GALNT17: variants seen among roughly 807,000 people sequenced by gnomAD.
GALNT17 encodes the protein UDP-GalNAc:polypeptide N-acetylgalactosaminyltransferase-like 3.
GALNT17 carries 29 observed loss-of-function variants against 63.7 expected under a neutral mutation model. That is an observed-to-expected ratio of 0.46 (90% confidence interval 0.34 to 0.62). GALNT17 has a LOEUF of 0.62. Among genes scored for constraint, GALNT17 ranks in the 20% least tolerant of loss-of-function variants. GALNT17 has a pLI of 0.01. For missense variants in GALNT17, 603 were observed against 799.6 expected (o/e 0.75, Z 2.97); for synonymous variants, 305 against 318.3 (o/e 0.96, Z 0.45).
At chr7:71,508,586 G>A (rs116484053) in intron 5 of GALNT17, among the ~76,000 whole-genome samples, 3,821 of 152,176 alleles carry the variant, frequency 0.025, 59 homozygotes, top group African/African-American at 0.038. Context: ...GCAGACTCTC[G>A]GGGTGTTACT....
chr7:71,161,427 G>A (rs1788339792), intron 1 of GALNT17, among the ~76,000 whole-genome samples: 2 of 152,052 alleles, frequency 1.3e-5, no homozygotes, highest in African/African-American at 4.8e-5. Context: ...TTGTTGATTT[G>A]CATACATTTT....
Position 71,259,631 on chromosome 7 carries a change from GTTTTTTGT to G in GALNT17, c.239-75904_239-75897del, listed in dbSNP as rs1554345415. Among the ~76,000 whole-genome samples the G allele has an allele frequency of 3.9e-5, 5 of 129,856 alleles. No homozygotes were observed. The Middle Eastern group carries it at 0.011, about 289-fold the overall frequency. 85.2% of individuals were successfully genotyped at this position (129,856 alleles called of 152,430 possible). ...GACCAACAGATCTTGGTCCTGTTTT[GTTTTTTGT>G]TTTTTTGTTTTTTTTTTTTTGAGAC... On this transcript the variant is annotated intron_variant, in intron 1 of 10. Transcript: ENST00000333538.
chr7:71,681,540 G>C (rs1289189438), intron 9 of GALNT17, among the ~76,000 whole-genome samples: 16 of 152,158 alleles, frequency 1.1e-4, no homozygotes, highest in Admixed American at 1.0e-3. Flanking sequence ...GATACCCACA[G>C]CCTCTGGCCC....
At chr7:71,209,954 G>A (rs745921983) in intron 1 of GALNT17, among the ~76,000 whole-genome samples, 11 of 151,858 alleles carry the variant, frequency 7.2e-5, no homozygotes, top group African/African-American at 1.9e-4. Context: ...ACAGAGTTTC[G>A]CTCTGTCACC....
At chr7:71,301,209 C>T (rs1303649507) in intron 1 of GALNT17, among the ~76,000 whole-genome samples, 1 of 151,760 alleles carries the variant, frequency 6.6e-6, no homozygotes, top group Non-Finnish European at 1.5e-5. Context: ...ATCCCTTCAG[C>T]CGAGGAGTTC....
At chr7:71,421,192 C>T in intron 5 of GALNT17, 87 bp downstream of exon 5, 1 of 1,454,904 alleles carries the variant, frequency 6.9e-7, no homozygotes, top group Non-Finnish European at 9.3e-7. Context: ...GAAAGCCTGC[C>T]TTGGGCTCGA....
intron 5 of GALNT17, among the ~76,000 whole-genome samples, chr7:71,538,891 A>G (rs1480990588): frequency 6.6e-6 from 1 of 151,592 alleles, no homozygotes; most frequent in African/African-American, 2.4e-5. Flanking sequence ...GGAGGGAAAG[A>G]GGGACAGAGG....
chr7:71,134,009 T>G (rs974117943), intron 1 of GALNT17, among the ~76,000 whole-genome samples: 1 of 152,262 alleles, frequency 6.6e-6, no homozygotes, highest in Non-Finnish European at 1.5e-5. Flanking sequence ...ATTCTTGCTC[T>G]GTGCCAGATG....
At chr7:71,521,176 A>G (rs548584806) in intron 5 of GALNT17, among the ~76,000 whole-genome samples, 1 of 151,640 alleles carries the variant, frequency 6.6e-6, no homozygotes, top group South Asian at 2.1e-4. Context: ...TGGCATGTAC[A>G]CTTCTTTGTA....
At chr7:71,493,065 C>T (rs926534407) in intron 5 of GALNT17, among the ~76,000 whole-genome samples, 1 of 152,188 alleles carries the variant, frequency 6.6e-6, no homozygotes, top group Non-Finnish European at 1.5e-5. Context: ...TTGATGTATG[C>T]TACAGCTCAT....
intron 6 of GALNT17, among the ~76,000 whole-genome samples, chr7:71,618,300 AATG>A (rs1408344618): frequency 1.3e-5 from 2 of 152,092 alleles, no homozygotes; most frequent in African/African-American, 4.8e-5. Context: ...TTTTTGGTAG[AATG>A]ATTTCTTTTC....
chr7:71,294,161 C>CAAA (rs11378077), intron 1 of GALNT17, among the ~76,000 whole-genome samples: 1 of 143,144 alleles, frequency 7.0e-6, no homozygotes, highest in Non-Finnish European at 1.5e-5. Context: ...GACTCCGTCT[C>CAAA]AAAAAAAAAA....
At chr7:71,496,834 G>A (rs1311249269) in intron 5 of GALNT17, among the ~76,000 whole-genome samples, 1 of 152,122 alleles carries the variant, frequency 6.6e-6, no homozygotes, top group Admixed American at 6.6e-5. Context: ...AGCACTTTGG[G>A]CGGCCAAGGC....
At chr7:71,407,438 G>C (rs1004949555) in intron 3 of GALNT17, among the ~76,000 whole-genome samples, 1 of 152,102 alleles carries the variant, frequency 6.6e-6, no homozygotes, top group African/African-American at 2.4e-5. Flanking sequence ...CCTTCAGCAA[G>C]GTCAAGGGTT....
At chr7:71,419,715 T>C (rs1277889190) in intron 4 of GALNT17, among the ~76,000 whole-genome samples, 1 of 152,164 alleles carries the variant, frequency 6.6e-6, no homozygotes, top group East Asian at 1.9e-4. Context: ...CCTCCTTAGA[T>C]GGCTGTGCTC....
intron 3 of GALNT17, among the ~76,000 whole-genome samples, chr7:71,408,137 C>A (rs1793363034): frequency 6.6e-6 from 1 of 152,176 alleles, no homozygotes; most frequent in Non-Finnish European, 1.5e-5. Flanking sequence ...CCTGGGGGTG[C>A]TGGCCAGTTC....
At chr7:71,336,269 T>G (rs1791904945) in intron 2 of GALNT17, among the ~76,000 whole-genome samples, 1 of 152,178 alleles carries the variant, frequency 6.6e-6, no homozygotes, top group African/African-American at 2.4e-5. Flanking sequence ...GATCTCGAAC[T>G]CCTGACCTCA....
intron 6 of GALNT17, among the ~76,000 whole-genome samples, chr7:71,594,141 G>A (rs556794821): frequency 6.6e-6 from 1 of 151,986 alleles, no homozygotes; most frequent in African/African-American, 2.4e-5. Flanking sequence ...GGCTCTTTTT[G>A]GAACGTTATC....
intron 1 of GALNT17, among the ~76,000 whole-genome samples, chr7:71,216,645 C>T (rs890314898): frequency 6.6e-5 from 10 of 151,524 alleles, no homozygotes; most frequent in African/African-American, 2.4e-4. Context: ...CATATATATA[C>T]AGACATACAA....
Sources: gnomAD v4.1 joint callset for allele counts (sites outside exome capture counted in the v4.1 genomes callset) on GRCh38, gnomAD v4.1.1 for gene constraint, MANE v1.5 for transcripts, NCBI Gene and HGNC (gene_info 2026-07-23, HGNC 2026-07-21) for gene names.